PPP4R4: variants seen among roughly 807,000 people sequenced by gnomAD.
The protein encoded by PPP4R4 is serine/threonine-protein phosphatase 4 regulatory subunit 4.
Under a neutral mutation model 121.8 loss-of-function variants are expected in PPP4R4, and 70 were observed. The observed-to-expected ratio is 0.57, with a 90% confidence interval of 0.47 to 0.70. The LOEUF (loss-of-function observed/expected upper bound fraction) is 0.70. PPP4R4 is among the 30% of genes least tolerant of loss of function. The pLI is 0.00. For synonymous variants in PPP4R4, 348 were observed against 355.7 expected (o/e 0.98, Z 0.24); for missense variants, 875 against 1,033.6 (o/e 0.85, Z 2.10).
Position 94,234,663 on chromosome 14 carries a change from G to A in PPP4R4, c.725G>A (p.Gly242Asp). ...CGGCAATTAGAAAATATAGCCCAGG[G>A]CATTGGGTAGGTATACTTTGAATTC... is the stretch of plus-strand genomic sequence containing the variant. ...MCRQLENIAQ[G>D]IGTELTKSVV... The change falls in exon 7 of 25, where the codon GGC becomes GAC. Residue 242 changes from glycine to aspartate, a missense_variant. By Grantham distance (94) the Gly-to-Asp change is moderately conservative. Coordinates refer to ENST00000304338, the MANE Select transcript of PPP4R4 (RefSeq NM_058237.2). The A allele has an allele frequency of 1.3e-6, 2 of 1,572,896 alleles. No individual in the cohort carries two copies. The highest frequency in any genetic ancestry group is 1.1e-5 in the South Asian group (1 of 89,958).
intron 23 of PPP4R4, among the ~76,000 whole-genome samples, chr14:94,274,726 G>A (rs953125723): frequency 1.7e-4 from 26 of 152,118 alleles, no homozygotes; most frequent in African/African-American, 6.3e-4. Flanking sequence ...ACATCAATTT[G>A]GCAGTTTCTT....
At chr14:94,219,959 C>T (rs931669957) in intron 3 of PPP4R4, among the ~76,000 whole-genome samples, 2 of 152,148 alleles carry the variant, frequency 1.3e-5, no homozygotes, top group African/African-American at 2.4e-5. Flanking sequence ...CATGGTGGCT[C>T]ACGCCTGTAA....
At chr14:94,211,033 C>A (rs1890714068) in intron 3 of PPP4R4, among the ~76,000 whole-genome samples, 1 of 152,120 alleles carries the variant, frequency 6.6e-6, no homozygotes, top group African/African-American at 2.4e-5. Context: ...GCTTTATTTA[C>A]TTTTGCTTGG....
intron 16 of PPP4R4, among the ~76,000 whole-genome samples, chr14:94,253,738 T>G (rs530291872): frequency 3.0e-4 from 45 of 152,350 alleles, no homozygotes; most frequent in African/African-American, 1.1e-3. Flanking sequence ...TATTACTCTA[T>G]TAATTTCAGA....
intron 3 of PPP4R4, among the ~76,000 whole-genome samples, chr14:94,214,319 T>C (rs7144141): frequency 0.57 from 85,973 of 151,872 alleles, 27,326 homozygotes; most frequent in African/African-American, 0.84. Flanking sequence ...GGAGAGGATT[T>C]GGGAAATATA....
At chr14:94,260,488 A>G (rs995822359) in intron 19 of PPP4R4, among the ~76,000 whole-genome samples, 3 of 151,950 alleles carry the variant, frequency 2.0e-5, no homozygotes, top group African/African-American at 7.2e-5. Context: ...TTACATCTAC[A>G]TTGTCTATGC....
At chr14:94,241,055 T>C (rs1021344199) in intron 9 of PPP4R4, among the ~76,000 whole-genome samples, 2 of 152,278 alleles carry the variant, frequency 1.3e-5, no homozygotes, top group South Asian at 4.1e-4. Context: ...TTTATAATTA[T>C]GTATTATTTG....
chr14:94,246,658 G>A, intron 14 of PPP4R4, 119 bp downstream of exon 14: 1 of 1,131,610 alleles, frequency 8.8e-7, no homozygotes, highest in Non-Finnish European at 1.2e-6. Context: ...CTACCTAGGA[G>A]GATGTCAGCT....
At chr14:94,265,680 A>G in intron 21 of PPP4R4, 114 bp from the exon 22 acceptor site, 2 of 884,300 alleles carry the variant, frequency 2.3e-6, no homozygotes, top group South Asian at 1.7e-5. Flanking sequence ...TAAGGAAAAA[A>G]GGCTAAAGCC....
At position 94,250,267 on chromosome 14, in the gene PPP4R4, A is replaced by G. The variant is rs766883754; in HGVS notation, c.1707A>G (p.Lys569=). 1.9e-6 allele frequency: 3 copies of G among 1,596,352 alleles called. No homozygotes were observed. The highest frequency in any genetic ancestry group is 4.5e-5 in the East Asian group (2 of 44,742). Residue 569 remains lysine, a synonymous_variant, in exon 15 of 25, where the codon AAA becomes AAG. Transcript: ENST00000304338. ...KQEQRHEVIQ[K]LIEQLGQGKS... ...AACAGAGACATGAGGTCATTCAAAA[A>G]TTAATTGAACGTAAGTAATCATTGT...
intron 2 of PPP4R4, among the ~76,000 whole-genome samples, chr14:94,202,758 C>G (rs1422227795): frequency 6.6e-6 from 1 of 151,890 alleles, no homozygotes; most frequent in Non-Finnish European, 1.5e-5. Flanking sequence ...GCAGGTGGAT[C>G]ATGAGGTCAA....
intron 19 of PPP4R4, among the ~76,000 whole-genome samples, chr14:94,263,740 T>A (rs965964434): frequency 3.3e-5 from 5 of 152,208 alleles, no homozygotes; most frequent in African/African-American, 1.2e-4. Flanking sequence ...GAGGCAAACA[T>A]GTAGAAAATA....
chr14:94,181,155 T>C (rs1417164227), intron 2 of PPP4R4, among the ~76,000 whole-genome samples: 1 of 152,154 alleles, frequency 6.6e-6, no homozygotes, highest in African/African-American at 2.4e-5. Context: ...TTACTTTCAT[T>C]ATTGTCTTGA....
At chr14:94,218,283 T>C (rs1342274390) in intron 3 of PPP4R4, among the ~76,000 whole-genome samples, 2 of 152,026 alleles carry the variant, frequency 1.3e-5, no homozygotes, top group Admixed American at 6.5e-5. Flanking sequence ...GGACAAAGCA[T>C]AGATCTAAGA....
chr14:94,190,874 T>A (rs1401355268), intron 2 of PPP4R4, among the ~76,000 whole-genome samples: 3 of 144,828 alleles, frequency 2.1e-5, no homozygotes, highest in African/African-American at 8.3e-5. Context: ...ATTTCCAACT[T>A]TTTTTTTTTT....
chr14:94,242,241 ATG>A, intron 10 of PPP4R4, 46 bp from the exon 11 acceptor site: 1 of 1,580,120 alleles, frequency 6.3e-7, no homozygotes, highest in Non-Finnish European at 8.7e-7. Context: ...GTATTGATGC[ATG>A]TTTTTCTTTC....
At chr14:94,227,221 A>T in intron 3 of PPP4R4, 1 of 1,281,502 alleles carries the variant, frequency 7.8e-7, no homozygotes, top group Non-Finnish European at 1.1e-6. Flanking sequence ...ATGTAAGAGG[A>T]ATGGTAACTG....
intron 3 of PPP4R4, among the ~76,000 whole-genome samples, chr14:94,213,708 T>C (rs1307020371): frequency 6.6e-6 from 1 of 152,118 alleles, no homozygotes; most frequent in Non-Finnish European, 1.5e-5. Flanking sequence ...CAAGGAATGA[T>C]AGCAACCACC....
rs1892517229 is a variant in PPP4R4, at chr14:94,239,453, GT to G, written c.854-1213del. Among the ~76,000 whole-genome samples, 13 of 148,670 alleles carry G rather than the reference GT, an allele frequency of 8.7e-5. No homozygotes were observed. The South Asian group carries it at 2.8e-3, about 32-fold the overall frequency. ...TATGAGTGAGAACTTGCGGTGTTTG[GT>G]TTTTTTGTCCTTGCAATAGTTTGCT... is the stretch of plus-strand genomic sequence containing the variant. On this transcript the variant is annotated intron_variant, in intron 8 of 24. Transcript: ENST00000304338.
Sources: gnomAD v4.1 joint callset for allele counts (sites outside exome capture counted in the v4.1 genomes callset) on GRCh38, gnomAD v4.1.1 for gene constraint, MANE v1.5 for transcripts, NCBI Gene and HGNC (gene_info 2026-07-23, HGNC 2026-07-21) for gene names.